Variants in WDR7 observed in about 807,000 individuals in gnomAD.
The protein encoded by WDR7 is WD repeat domain 7, also known as WD repeat-containing protein 7.
In WDR7, 46 loss-of-function variants were observed where a neutral mutation model predicts 169.4. That is an observed-to-expected ratio of 0.27 (90% CI 0.21 to 0.35). WDR7 has a LOEUF of 0.35. Ranked by LOEUF, WDR7 falls within the 10% of genes least tolerant of loss-of-function variation. The probability of loss-of-function intolerance (pLI) is 1.00; values close to 1 mark genes in which losing one functional copy is unlikely to be tolerated. For synonymous variants in WDR7, 612 were observed against 666.8 expected, an observed-to-expected ratio of 0.92 and a Z score of 1.27; for missense variants, 1,534 against 1,859.3, an observed-to-expected ratio of 0.83 and a Z score of 3.22.
At chr18:56,694,120 G>A (rs1472765569) in intron 9 of WDR7, among the ~76,000 whole-genome samples, 12 of 151,578 alleles carry the variant, frequency 7.9e-5, no homozygotes, top group Non-Finnish European at 8.8e-5. Flanking sequence ...GCGATCTTCC[G>A]TGTCATTGTT....
intron 22 of WDR7, among the ~76,000 whole-genome samples, chr18:56,930,209 T>C (rs1245768530): frequency 6.6e-6 from 1 of 152,220 alleles, no homozygotes; most frequent in Admixed American, 6.5e-5. Context: ...CATGCTTTGA[T>C]GACACACAGA....
chr18:56,717,784 A>G (rs965076843), intron 12 of WDR7, among the ~76,000 whole-genome samples, 180 bp from the exon 13 acceptor site: 3 of 152,184 alleles, frequency 2.0e-5, no homozygotes, highest in Non-Finnish European at 4.4e-5. Context: ...AAATATTTTG[A>G]TGATTGATCT....
chr18:56,704,728 T>C (rs1472025155), intron 12 of WDR7, among the ~76,000 whole-genome samples: 1 of 152,206 alleles, frequency 6.6e-6, no homozygotes, highest in African/African-American at 2.4e-5. Flanking sequence ...TAGCTGACTG[T>C]GCTGATATCA....
chr18:56,663,356 G>A (rs1042573070), intron 1 of WDR7, among the ~76,000 whole-genome samples: 1 of 152,170 alleles, frequency 6.6e-6, no homozygotes, highest in Non-Finnish European at 1.5e-5. Flanking sequence ...AAAGCATTTT[G>A]TAGATTATTG....
intron 16 of WDR7, among the ~76,000 whole-genome samples, chr18:56,763,817 C>T (rs1157584670): frequency 6.6e-6 from 1 of 152,092 alleles, no homozygotes; most frequent in Admixed American, 6.5e-5. Context: ...GAACTTTGAT[C>T]ATTTGTGTCA....
At chr18:56,949,548 C>T (rs2047151960) in intron 25 of WDR7, among the ~76,000 whole-genome samples, 1 of 152,194 alleles carries the variant, frequency 6.6e-6, no homozygotes, top group South Asian at 2.1e-4. Context: ...ATTTAAAAAT[C>T]TGCTTGCGCA....
chr18:56,706,529 G>A (rs370545704), intron 12 of WDR7, among the ~76,000 whole-genome samples: 4 of 152,080 alleles, frequency 2.6e-5, no homozygotes, highest in African/African-American at 2.4e-5. Context: ...TAGAAGTAAC[G>A]CTTGGCCTGT....
At chr18:56,715,870 G>C (rs1318740673) in intron 12 of WDR7, among the ~76,000 whole-genome samples, 3 of 152,108 alleles carry the variant, frequency 2.0e-5, no homozygotes, top group Non-Finnish European at 4.4e-5. Context: ...TTGCAAAATA[G>C]AATATTGTAT....
intron 14 of WDR7, among the ~76,000 whole-genome samples, chr18:56,747,570 C>A (rs1017058226): frequency 3.3e-5 from 5 of 152,108 alleles, no homozygotes; most frequent in African/African-American, 1.2e-4. Flanking sequence ...GTGCGTAGTT[C>A]ATTGTGTTGA....
intron 4 of WDR7, 88 bp from the exon 5 acceptor site, chr18:56,682,591 G>A: frequency 7.0e-7 from 1 of 1,420,462 alleles, no homozygotes. Flanking sequence ...GGAGAATATT[G>A]TAATAACCTT....
intron 22 of WDR7, among the ~76,000 whole-genome samples, chr18:56,926,757 T>A (rs971190443): frequency 2.0e-5 from 3 of 152,230 alleles, no homozygotes; most frequent in African/African-American, 7.2e-5. Flanking sequence ...GTAATTTTCA[T>A]CATGATAAAT....
intron 20 of WDR7, among the ~76,000 whole-genome samples, chr18:56,821,832 A>C (rs1218244178): frequency 1.4e-5 from 2 of 145,176 alleles, no homozygotes; most frequent in Non-Finnish European, 3.0e-5. Context: ...CTATCTCTAC[A>C]AAAAAAAAAA....
chr18:56,968,266 A>C (rs1432808842), intron 26 of WDR7, among the ~76,000 whole-genome samples: 1 of 152,226 alleles, frequency 6.6e-6, no homozygotes, highest in Non-Finnish European at 1.5e-5. Context: ...GGTATATAGT[A>C]GATGCACAAT....
intron 25 of WDR7, among the ~76,000 whole-genome samples, chr18:56,954,714 G>T (rs1352083559): frequency 1.3e-5 from 2 of 152,074 alleles, no homozygotes; most frequent in East Asian, 3.9e-4. Context: ...CTTTAAAATT[G>T]GATATATATT....
chr18:57,022,535 T>C (rs551832830), intron 27 of WDR7, among the ~76,000 whole-genome samples: 71 of 152,346 alleles, frequency 4.7e-4, no homozygotes, highest in Middle Eastern at 3.4e-3. Context: ...TAAGAAAACA[T>C]AATTTCTTAT....
chr18:57,032,799 TTTTATATATATATATATATATA>T (rs1374121017), downstream of WDR7: 95 of 85,486 alleles, frequency 1.1e-3, no homozygotes, highest in Non-Finnish European at 5.5e-4. Context: ...TGTATAATTA[TTTTATATATATATATATATATA>T]TATATATATA....
chr18:56,695,796 A>G (rs1598968247), intron 11 of WDR7, among the ~76,000 whole-genome samples: 1 of 152,208 alleles, frequency 6.6e-6, no homozygotes, highest in African/African-American at 2.4e-5. Context: ...CGGCCTCTCA[A>G]CAGCCAGTGG....
At chr18:56,743,300 T>C in intron 14 of WDR7, among the ~76,000 whole-genome samples, 1 of 152,166 alleles carries the variant, frequency 6.6e-6, no homozygotes, top group Non-Finnish European at 1.5e-5. Flanking sequence ...GAGGCAGGGC[T>C]GTGGTGATGA....
chr18:56,776,898 T>C lies in WDR7; in HGVS notation c.2947+18T>C. On this transcript the variant is annotated intron_variant, in intron 17 of 27. Transcript: ENST00000254442. ...AAATGAAGGTATCTCTCTCAACTTC[T>C]AACAACTTTCTCTCAATCTGTGCTT... 6.3e-7 allele frequency: 1 copy of C among 1,595,642 alleles called. No individual in the cohort carries two copies. The highest frequency in any genetic ancestry group is 8.6e-7 in the Non-Finnish European group (1 of 1,163,520).
Sources: allele counts gnomAD v4.1 joint callset (sites outside exome capture counted in the v4.1 genomes callset), GRCh38; gene constraint gnomAD v4.1.1; transcripts MANE v1.5; gene names NCBI Gene and HGNC (gene_info 2026-07-23, HGNC 2026-07-21).